The following SNX4 variants were observed in gnomAD, a reference collection of about 807,000 sequenced individuals.
The protein encoded by SNX4 is sorting nexin-4.
Under a neutral mutation model 70.8 loss-of-function variants are expected in SNX4, and 49 were observed. The observed-to-expected ratio is 0.69, with a 90% CI of 0.55 to 0.88. The LOEUF (loss-of-function observed/expected upper bound fraction) is 0.88, where lower values mean the gene tolerates loss of function less well. SNX4 is among the 40% of genes least tolerant of loss of function. The probability of loss-of-function intolerance (pLI) is 0.00; values close to 1 mark genes in which losing one functional copy is unlikely to be tolerated. For missense variants in SNX4, 528 were observed against 544.8 expected, an observed-to-expected ratio of 0.97 and a Z score of 0.31; for synonymous variants, 206 against 183.8, an observed-to-expected ratio of 1.12 and a Z score of -0.98.
intron 5 of SNX4, among the ~76,000 whole-genome samples, chr3:125,494,064 T>C (rs1934726973): frequency 6.6e-6 from 1 of 151,118 alleles, no homozygotes; most frequent in South Asian, 2.1e-4. Flanking sequence ...AATATTAATC[T>C]AGTACGCCAA....
intron 10 of SNX4, among the ~76,000 whole-genome samples, 186 bp from the exon 11 acceptor site, chr3:125,457,551 A>C (rs933826394): frequency 3.3e-5 from 5 of 151,260 alleles, no homozygotes; most frequent in African/African-American, 1.2e-4. Context: ...GCAGAACCTA[A>C]CCATAAAAAC....
intron 1 of SNX4, among the ~76,000 whole-genome samples, chr3:125,506,867 A>C (rs1031670227): frequency 1.4e-5 from 2 of 143,786 alleles, no homozygotes; most frequent in Non-Finnish European, 3.0e-5. Flanking sequence ...ATGTATGAAC[A>C]AAATAGAAGT....
At chr3:125,500,368 T>C (rs1005639469) in intron 2 of SNX4, among the ~76,000 whole-genome samples, 1 of 152,220 alleles carries the variant, frequency 6.6e-6, no homozygotes, top group Admixed American at 6.5e-5. Flanking sequence ...AAAGAGTTCC[T>C]ATTCAATGAA....
chr3:125,464,574 T>C (rs1294640359), intron 9 of SNX4, among the ~76,000 whole-genome samples: 1 of 137,874 alleles, frequency 7.3e-6, no homozygotes, highest in Non-Finnish European at 1.6e-5. Flanking sequence ...CTTTTTTTTT[T>C]TTTTTTTTTT....
intron 11 of SNX4, among the ~76,000 whole-genome samples, chr3:125,456,906 T>C (rs1933731564): frequency 6.6e-6 from 1 of 151,952 alleles, no homozygotes; most frequent in Non-Finnish European, 1.5e-5. Context: ...GGTGATCCAC[T>C]GGCCTTGGCC....
At chr3:125,503,759 T>A (rs983009410) in intron 2 of SNX4, among the ~76,000 whole-genome samples, 1 of 152,218 alleles carries the variant, frequency 6.6e-6, no homozygotes, top group Non-Finnish European at 1.5e-5. Flanking sequence ...CCAAAGCATG[T>A]ATCGTTATTT....
At position 125,453,812 on chromosome 3, in the gene SNX4, G is replaced by T. The variant is rs996520700; in HGVS notation, c.1188C>A (p.Gly396=). ...CTTAAACATCGCAGCATCTTTACCT[G>T]CCTTCCAGATTTTTAGACTTTAGCT... ...EQQLKSKNLE[G]REFVKNAWAD... Residue 396 remains glycine, a splice_region_variant and synonymous_variant, in exon 12 of 14, where the codon GGC becomes GGA. Coordinates refer to ENST00000251775, the MANE Select transcript of SNX4 (RefSeq NM_003794.4). 3.7e-6 allele frequency: 6 copies of T among 1,613,562 alleles called. No individual in the cohort carries two copies. The highest frequency in any genetic ancestry group is 5.1e-6 in the Non-Finnish European group (6 of 1,179,828).
chr3:125,488,903 C>A (rs1934592776), intron 6 of SNX4, among the ~76,000 whole-genome samples: 1 of 152,152 alleles, frequency 6.6e-6, no homozygotes, highest in African/African-American at 2.4e-5. Context: ...ATAGGTCCCA[C>A]CCCATGTTAA....
At chr3:125,492,747 C>A (rs1247059160) in intron 5 of SNX4, among the ~76,000 whole-genome samples, 1 of 152,162 alleles carries the variant, frequency 6.6e-6, no homozygotes, top group African/African-American at 2.4e-5. Flanking sequence ...AGCTCATTCA[C>A]TACTGTATCC....
intron 6 of SNX4, among the ~76,000 whole-genome samples, chr3:125,481,805 G>C (rs1322667414): frequency 6.6e-6 from 1 of 152,154 alleles, no homozygotes; most frequent in Admixed American, 6.5e-5. Context: ...GGTCCTCGTG[G>C]GACTCAGGAA....
intron 1 of SNX4, among the ~76,000 whole-genome samples, chr3:125,506,186 T>C (rs778103477): frequency 3.3e-5 from 5 of 151,974 alleles, no homozygotes; most frequent in Admixed American, 1.3e-4. Context: ...TACATGCAAA[T>C]GCCTAGTTTT....
At chr3:125,465,056 G>GT (rs948370983) in intron 9 of SNX4, among the ~76,000 whole-genome samples, 24 of 151,648 alleles carry the variant, frequency 1.6e-4, no homozygotes, top group Admixed American at 4.6e-4. Flanking sequence ...AATTTTTGTA[G>GT]TTTTTTGTAG....
chr3:125,453,892 G>C lies in SNX4; in HGVS notation c.1108C>G (p.Gln370Glu). ...TKLFGQETPE[Q>E]REARIKVLEE... is the part of the protein sequence containing the mutation. ...AGCACCTTTATTCTGGCTTCTCTCT[G>C]CTCTGGAGTTTCTTGACCAAAGAGC... The change falls in exon 12 of 14, where the codon CAG becomes GAG. Residue 370 changes from glutamine to glutamate, a missense_variant. Around this residue, in one of 3 missense-constraint regions of SNX4, gnomAD observed 159 missense variants for 172.6 expected, o/e 0.92. Coordinates refer to ENST00000251775, the MANE Select transcript of SNX4 (RefSeq NM_003794.4). The C allele has an allele frequency of 1.9e-6, 3 of 1,613,774 alleles. No homozygotes were observed. Among genetic ancestry groups the C allele is most frequent in the Non-Finnish European group, 2.5e-6 (3 of 1,179,880 alleles).
At chr3:125,471,966 A>T (rs1222825355) in intron 8 of SNX4, among the ~76,000 whole-genome samples, 1 of 152,238 alleles carries the variant, frequency 6.6e-6, no homozygotes, top group African/African-American at 2.4e-5. Context: ...GAACAAACAA[A>T]TAAAACAAAC....
chr3:125,490,478 C>A (rs1210706707), intron 5 of SNX4, among the ~76,000 whole-genome samples: 1 of 141,436 alleles, frequency 7.1e-6, no homozygotes, highest in Admixed American at 7.5e-5. Context: ...GAGCCGAGAT[C>A]GTGCCACGGC....
chr3:125,514,603 GC>G (rs2107574843), intron 1 of SNX4, among the ~76,000 whole-genome samples: 1 of 152,192 alleles, frequency 6.6e-6, no homozygotes, highest in East Asian at 1.9e-4. Flanking sequence ...TGTTGCCCAG[GC>G]TGGTCTCAAA....
chr3:125,512,046 C>T (rs748755286), intron 1 of SNX4, among the ~76,000 whole-genome samples: 17 of 152,078 alleles, frequency 1.1e-4, no homozygotes, highest in East Asian at 1.9e-4. Context: ...TCTCAGTCCT[C>T]AAGGCATTTT....
intron 10 of SNX4, 36 bp downstream of exon 10, chr3:125,460,735 C>A: frequency 2.8e-6 from 3 of 1,058,800 alleles, no homozygotes; most frequent in Non-Finnish European, 4.2e-6. Context: ...TGGTGAACAA[C>A]CCTGTGGCTG....
At chr3:125,502,925 T>C (rs1253897900) in intron 2 of SNX4, among the ~76,000 whole-genome samples, 1 of 34,812 alleles carries the variant, frequency 2.9e-5, no homozygotes, top group Middle Eastern at 0.013. Flanking sequence ...TAGTTTTTTT[T>C]TTTTTTCTTT....
Sources: allele counts gnomAD v4.1 joint callset (sites outside exome capture counted in the v4.1 genomes callset), GRCh38; gene constraint gnomAD v4.1.1; regional missense constraint gnomAD v4.1.1; transcripts MANE v1.5; gene names NCBI Gene and HGNC (gene_info 2026-07-23, HGNC 2026-07-21).